UNC13C: variants seen among roughly 807,000 people sequenced by gnomAD.
The protein encoded by UNC13C is unc-13 homolog C, also known as protein unc-13 homolog C.
Under a neutral mutation model 245.4 loss-of-function variants are expected in UNC13C, and 174 were observed. That is an observed-to-expected ratio of 0.71 (90% CI 0.63 to 0.80). UNC13C has a LOEUF of 0.80. Among genes scored for constraint, UNC13C ranks in the 30% least tolerant of loss-of-function variants. The probability of loss-of-function intolerance (pLI) is 0.00; values close to 1 mark genes in which losing one functional copy is unlikely to be tolerated. For missense variants in UNC13C, 2,829 were observed against 2,602.9 expected (o/e 1.09, Z -1.89); for synonymous variants, 992 against 895.1 (o/e 1.11, Z -1.93).
intron 17 of UNC13C, among the ~76,000 whole-genome samples, chr15:54,379,113 C>A (rs1333983757): frequency 1.3e-5 from 2 of 151,960 alleles, no homozygotes; most frequent in Non-Finnish European, 2.9e-5. Context: ...ACTAGTTGCT[C>A]AGTTTTTTTG....
At chr15:53,910,044 G>A in the UNC13C span, among the ~76,000 whole-genome samples, 1 of 143,134 alleles carries the variant, frequency 7.0e-6, no homozygotes. Context: ...TGTTCCTGGT[G>A]GTAGGGAAAC....
At chr15:54,038,118 A>AAAAATTTTTTTTTT (rs1896654085) in intron 2 of UNC13C, among the ~76,000 whole-genome samples, 2 of 28,800 alleles carry the variant, frequency 6.9e-5, no homozygotes, top group African/African-American at 2.6e-4. Flanking sequence ...ATATATATAT[A>AAAAATTTTTTTTTT]TATATATTTT....
intron 13 of UNC13C, among the ~76,000 whole-genome samples, chr15:54,304,868 A>G (rs564974564): frequency 6.6e-6 from 1 of 152,128 alleles, no homozygotes; most frequent in South Asian, 2.1e-4. Context: ...ACCAATAAAG[A>G]TTTTATGAAT....
At chr15:54,188,507 T>A (rs539629781) in intron 4 of UNC13C, among the ~76,000 whole-genome samples, 93 of 152,340 alleles carry the variant, frequency 6.1e-4, no homozygotes, top group South Asian at 2.9e-3. Context: ...TTTAAATTCA[T>A]TAGCGAAGTG....
chr15:54,236,213 C>G (rs554425130), intron 5 of UNC13C, among the ~76,000 whole-genome samples: 11 of 152,262 alleles, frequency 7.2e-5, no homozygotes, highest in African/African-American at 2.6e-4. Context: ...AAGCCTTCAT[C>G]TGAAGGCCAC....
intron 2 of UNC13C, among the ~76,000 whole-genome samples, chr15:54,100,958 G>T (rs2899526): frequency 0.71 from 108,125 of 151,884 alleles, 39,039 homozygotes; most frequent in East Asian, 0.89. Flanking sequence ...ATAGTAAAGT[G>T]CATAAATCTG....
intron 1 of UNC13C, among the ~76,000 whole-genome samples, chr15:53,995,441 T>C (rs930480059): frequency 3.9e-5 from 6 of 152,088 alleles, no homozygotes; most frequent in Middle Eastern, 3.2e-3. Context: ...CCCCTCTTGT[T>C]CCTCTTGTCT....
At chr15:54,087,403 C>T (rs577964067) in intron 2 of UNC13C, among the ~76,000 whole-genome samples, 2 of 152,132 alleles carry the variant, frequency 1.3e-5, no homozygotes, top group Non-Finnish European at 2.9e-5. Context: ...TTTTGCAAAA[C>T]CTAACTACTG....
chr15:54,384,580 G>A lies in UNC13C; in HGVS notation c.4714-8468G>A, dbSNP rs556628049. On this transcript the variant is annotated intron_variant, in intron 17 of 32. Transcript: ENST00000260323. ...CAGAGGGAAAATTCTTCAGGATATTGGTCTTCCGAAAATCTTTCTAGGGAA... is the reference window on the plus strand; with the variant it reads ...CAGAGGGAAAATTCTTCAGGATATTAGTCTTCCGAAAATCTTTCTAGGGAA... Among the ~76,000 whole-genome samples, 177 of 152,130 alleles carry A rather than the reference G, an allele frequency of 1.2e-3. 1 individual carries two copies. Among genetic ancestry groups the A allele is most frequent in the African/African-American group, 4.0e-3 (166 of 41,522 alleles).
At chr15:54,284,240 G>C (rs566605926) in intron 10 of UNC13C, among the ~76,000 whole-genome samples, 1 of 152,118 alleles carries the variant, frequency 6.6e-6, no homozygotes, top group Non-Finnish European at 1.5e-5. Flanking sequence ...AGTGGATCTT[G>C]TTTCTTCAAA....
At chr15:54,126,357 A>G (rs769910840) in intron 2 of UNC13C, among the ~76,000 whole-genome samples, 1 of 152,200 alleles carries the variant, frequency 6.6e-6, no homozygotes, top group South Asian at 2.1e-4. Flanking sequence ...GTAGACTTCA[A>G]AGCAAAGAAA....
At chr15:54,454,215 C>T (rs1891343908) in intron 19 of UNC13C, among the ~76,000 whole-genome samples, 1 of 151,862 alleles carries the variant, frequency 6.6e-6, no homozygotes, top group Admixed American at 6.6e-5. Context: ...CAATGTTGTA[C>T]TATTATCACC....
chr15:54,007,655 T>A (rs1184185627), intron 1 of UNC13C, among the ~76,000 whole-genome samples: 1 of 152,098 alleles, frequency 6.6e-6, no homozygotes, highest in Non-Finnish European at 1.5e-5. Flanking sequence ...AGTAGCGAAA[T>A]GTGTGCTAGG....
chr15:54,175,182 G>T (rs1040043033), intron 4 of UNC13C, among the ~76,000 whole-genome samples: 2 of 152,148 alleles, frequency 1.3e-5, no homozygotes, highest in Admixed American at 6.5e-5. Flanking sequence ...CCATGGAAAA[G>T]AAAGCCCTAA....
chr15:53,948,022 G>T, the UNC13C span: 1 of 152,200 alleles, frequency 6.6e-6, no homozygotes, highest in East Asian at 1.9e-4. Context: ...ATTCAGTAGC[G>T]CAATTAGGTG....
intron 30 of UNC13C, among the ~76,000 whole-genome samples, chr15:54,594,245 A>T (rs1319083807): frequency 6.6e-6 from 1 of 151,670 alleles, no homozygotes; most frequent in East Asian, 1.9e-4. Context: ...GGTGCAGTGG[A>T]CTCCATGGGG....
intron 19 of UNC13C, among the ~76,000 whole-genome samples, chr15:54,424,496 T>G (rs1596356149): frequency 6.6e-6 from 1 of 151,940 alleles, no homozygotes. Flanking sequence ...TACACATGTT[T>G]GTTTTAAGTG....
At chr15:54,552,554 T>C (rs1896827704) in intron 28 of UNC13C, among the ~76,000 whole-genome samples, 2 of 24,802 alleles carry the variant, frequency 8.1e-5, no homozygotes, top group South Asian at 2.4e-3. Context: ...TTATATTGTA[T>C]ATAATTATAT....
At chr15:53,949,652 CAG>C in the UNC13C span, among the ~76,000 whole-genome samples, 15 of 152,098 alleles carry the variant, frequency 9.9e-5, no homozygotes, top group Non-Finnish European at 1.3e-4. Flanking sequence ...GAATCCCAAA[CAG>C]AGGACCTGGC....
Sources: gnomAD v4.1 joint callset for allele counts (sites outside exome capture counted in the v4.1 genomes callset) on GRCh38, gnomAD v4.1.1 for gene constraint, MANE v1.5 for transcripts, NCBI Gene and HGNC (gene_info 2026-07-23, HGNC 2026-07-21) for gene names.